The following INVS variants were observed in gnomAD, a reference collection of about 807,000 sequenced individuals.
INVS encodes inversin.
Under a neutral mutation model 108.8 loss-of-function variants are expected in INVS, and 86 were observed. That is an observed-to-expected ratio of 0.79 (90% CI 0.66 to 0.95). INVS has a LOEUF of 0.95. Ranked by LOEUF, INVS falls within the 40% of genes least tolerant of loss-of-function variation. The pLI, the probability that INVS is intolerant of heterozygous loss-of-function variation, is 0.00. For synonymous variants in INVS, 455 were observed against 473.5 expected (o/e 0.96, Z 0.51); for missense variants, 1,169 against 1,297.4 (o/e 0.90, Z 1.52).
At chr9:100,257,160 A>G (rs1358424423) in intron 10 of INVS, among the ~76,000 whole-genome samples, 7 of 151,890 alleles carry the variant, frequency 4.6e-5, no homozygotes, top group Admixed American at 1.3e-4. Context: ...TTACCATTAT[A>G]TAATGGCCTT....
Position 100,109,058 on chromosome 9 carries a change from A to G in INVS, c.106+4431A>G, listed in dbSNP as rs1005365073. On this transcript the variant is annotated intron_variant, in intron 2 of 16. Transcript: ENST00000262457. ...TTAACACCAAACTCAAATAATTTGAATGAATACTAGAAATGTAATTGAGAA... is the reference window on the plus strand; with the variant it reads ...TTAACACCAAACTCAAATAATTTGAGTGAATACTAGAAATGTAATTGAGAA... Among the ~76,000 whole-genome samples the G allele has an allele frequency of 2.0e-5, 3 of 152,252 alleles. No individual in the cohort carries two copies. In the South Asian group the frequency reaches 6.2e-4, roughly 31 times the overall value.
intron 10 of INVS, 55 bp from the exon 11 acceptor site, chr9:100,264,767 C>T: frequency 8.5e-7 from 1 of 1,175,600 alleles, no homozygotes; most frequent in Non-Finnish European, 1.3e-6. Flanking sequence ...CATAAATAAC[C>T]ACATATCCAA....
At chr9:100,299,703 TAAAAG>T (rs1450545767) in intron 16 of INVS, among the ~76,000 whole-genome samples, 9 of 144,912 alleles carry the variant, frequency 6.2e-5, no homozygotes, top group African/African-American at 2.0e-4. Context: ...TCTTTAACAA[TAAAAG>T]AAAAGAACTC....
chr9:100,246,870 C>A, intron 8 of INVS, 83 bp downstream of exon 8: 1 of 1,224,192 alleles, frequency 8.2e-7, no homozygotes, highest in Non-Finnish European at 1.2e-6. Context: ...AAAATAGCAA[C>A]TTGAAATCAT....
chr9:100,196,178 T>C (rs1830367790), intron 3 of INVS, among the ~76,000 whole-genome samples: 1 of 152,218 alleles, frequency 6.6e-6, no homozygotes, highest in South Asian at 2.1e-4. Flanking sequence ...CTTTCTTTTA[T>C]AGATTTAGAC....
chr9:100,207,180 G>A lies in INVS; in HGVS notation c.274-18882G>A, dbSNP rs35993804. Reference sequence around the variant, plus strand: ...GAAACTATATAAATATCCTGGAACCGTCCAACCCACTCTATTGTTAGCATC... The same window carrying A: ...GAAACTATATAAATATCCTGGAACCATCCAACCCACTCTATTGTTAGCATC... On this transcript the variant is annotated intron_variant, in intron 3 of 16. Transcript: ENST00000262457. 5.3e-5 allele frequency among the ~76,000 whole-genome samples: 8 copies of A among 151,924 alleles called. No homozygotes were observed. In the East Asian group the frequency reaches 5.8e-4, roughly 11 times the overall value.
At chr9:100,151,736 C>T (rs1471921129) in intron 3 of INVS, among the ~76,000 whole-genome samples, 1 of 152,132 alleles carries the variant, frequency 6.6e-6, no homozygotes, top group Non-Finnish European at 1.5e-5. Flanking sequence ...TATTCCTTCA[C>T]CCATTCCTCA....
chr9:100,259,724 A>G (rs891347720), intron 10 of INVS, among the ~76,000 whole-genome samples: 12 of 151,066 alleles, frequency 7.9e-5, no homozygotes, highest in Non-Finnish European at 1.6e-4. Flanking sequence ...TAATTTTTGT[A>G]TTTTTAGTAG....
chr9:100,243,582 C>A (rs1779393718), intron 7 of INVS, among the ~76,000 whole-genome samples: 1 of 152,152 alleles, frequency 6.6e-6, no homozygotes, highest in Non-Finnish European at 1.5e-5. Flanking sequence ...ATGATAGTGT[C>A]TAGGCTACTT....
chr9:100,301,932 A>G lies in INVS; in HGVS notation c.*1258A>G, dbSNP rs746145739. 1.2e-4 allele frequency: 36 copies of G among 303,346 alleles called. No individual in the cohort carries two copies. Among genetic ancestry groups the G allele is most frequent in the Non-Finnish European group, 2.2e-4 (36 of 166,544 alleles). 18.8% of individuals were successfully genotyped at this position (303,346 alleles called of 1,614,324 possible). ...AGAAGGTACCACAGTATCACTCTCT[A>G]TTTTGTAAATATTTAGCTCCTATGA... is the stretch of plus-strand genomic sequence containing the variant. On this transcript the variant is annotated 3_prime_UTR_variant, in exon 17 of 17. Coordinates refer to ENST00000262457, the MANE Select transcript of INVS (RefSeq NM_014425.5).
intron 5 of INVS, among the ~76,000 whole-genome samples, chr9:100,239,809 A>C (rs2118491740): frequency 6.6e-6 from 1 of 152,076 alleles, no homozygotes; most frequent in East Asian, 1.9e-4. Context: ...CCATCTCTAC[A>C]AAAAACACAA....
intron 10 of INVS, 108 bp downstream of exon 10, chr9:100,253,244 A>G: frequency 1.2e-6 from 1 of 805,544 alleles, no homozygotes; most frequent in South Asian, 1.5e-5. Flanking sequence ...GAGATCACCC[A>G]CAAATCCATC....
intron 3 of INVS, among the ~76,000 whole-genome samples, chr9:100,153,168 G>C (rs1459758516): frequency 6.6e-6 from 1 of 151,188 alleles, no homozygotes; most frequent in Admixed American, 6.6e-5. Flanking sequence ...CTATCTGCAA[G>C]TCAAAATATA....
chr9:100,210,752 C>G (rs1275106102), intron 3 of INVS, among the ~76,000 whole-genome samples: 1 of 152,114 alleles, frequency 6.6e-6, no homozygotes, highest in Non-Finnish European at 1.5e-5. Context: ...GTAATTACAT[C>G]AAAAATAACC....
intron 15 of INVS, 26 bp downstream of exon 15, chr9:100,297,172 A>G (rs1833815153): frequency 6.4e-7 from 1 of 1,560,296 alleles, no homozygotes. Flanking sequence ...CCTACTTTGT[A>G]GTTCACAAGT....
At chr9:100,255,124 G>C (rs1832372776) in intron 10 of INVS, among the ~76,000 whole-genome samples, 1 of 152,146 alleles carries the variant, frequency 6.6e-6, no homozygotes, top group Non-Finnish European at 1.5e-5. Context: ...CCTTGAAGAG[G>C]TCCTTCACAT....
chr9:100,269,562 T>C (rs1354547209), intron 11 of INVS, among the ~76,000 whole-genome samples: 1 of 152,218 alleles, frequency 6.6e-6, no homozygotes, highest in African/African-American at 2.4e-5. Flanking sequence ...GTGATCAAAA[T>C]ACTCCTATAG....
At chr9:100,185,469 T>C (rs1830025649) in intron 3 of INVS, among the ~76,000 whole-genome samples, 1 of 148,402 alleles carries the variant, frequency 6.7e-6, no homozygotes, top group South Asian at 2.1e-4. Flanking sequence ...ATAGAATTTT[T>C]TTTTTGCTGT....
chr9:100,219,543 A>T (rs1053048320), intron 3 of INVS, among the ~76,000 whole-genome samples: 1 of 152,222 alleles, frequency 6.6e-6, no homozygotes, highest in Non-Finnish European at 1.5e-5. Context: ...GAACTCATAC[A>T]TTACTGTTAT....
Sources: gnomAD v4.1 joint callset for allele counts (sites outside exome capture counted in the v4.1 genomes callset) on GRCh38, gnomAD v4.1.1 for gene constraint, MANE v1.5 for transcripts, NCBI Gene and HGNC (gene_info 2026-07-23, HGNC 2026-07-21) for gene names.